TRAPPC9: variants seen among roughly 807,000 people sequenced by gnomAD.
TRAPPC9 encodes IKK2 binding protein.
Under a neutral mutation model 124.0 loss-of-function variants are expected in TRAPPC9, and 83 were observed. That is an observed-to-expected ratio of 0.67 (90% CI 0.56 to 0.80). The LOEUF (loss-of-function observed/expected upper bound fraction) is 0.80. Among genes scored for constraint, TRAPPC9 ranks in the 30% least tolerant of loss-of-function variants. The pLI is 0.00. For synonymous variants in TRAPPC9, 638 were observed against 617.5 expected, an observed-to-expected ratio of 1.03 and a Z score of -0.49; for missense variants, 1,302 against 1,508.3, an observed-to-expected ratio of 0.86 and a Z score of 2.27.
At chr8:139,819,295 A>G (rs1779469175) in intron 21 of TRAPPC9, among the ~76,000 whole-genome samples, 1 of 152,184 alleles carries the variant, frequency 6.6e-6, no homozygotes, top group Non-Finnish European at 1.5e-5. Flanking sequence ...CAAGGCTCCC[A>G]CTGATACTAC....
At chr8:139,734,679 G>A (rs1358812560) in intron 21 of TRAPPC9, among the ~76,000 whole-genome samples, 14 of 152,234 alleles carry the variant, frequency 9.2e-5, no homozygotes, top group Non-Finnish European at 4.4e-5. Flanking sequence ...GCTGGCCCTT[G>A]CAGCCAGTGT....
chr8:140,419,448 A>AAAAAAAC (rs1554683879), intron 5 of TRAPPC9, among the ~76,000 whole-genome samples: 17 of 94,802 alleles, frequency 1.8e-4, no homozygotes, highest in East Asian at 3.1e-4. Flanking sequence ...AAAAAAAAAA[A>AAAAAAAC]AAAACAAAAC....
intron 19 of TRAPPC9, among the ~76,000 whole-genome samples, chr8:139,976,052 C>T (rs915424240): frequency 1.3e-5 from 2 of 151,550 alleles, no homozygotes; most frequent in African/African-American, 2.4e-5. Context: ...CCACCTCGCC[C>T]GGCTAATTTT....
intron 17 of TRAPPC9, among the ~76,000 whole-genome samples, chr8:140,208,099 G>A (rs916421481): frequency 2.6e-5 from 4 of 151,066 alleles, no homozygotes; most frequent in Non-Finnish European, 4.4e-5. Flanking sequence ...GCAGTGTGCC[G>A]AGATCGCACC....
chr8:140,426,555 C>T, intron 5 of TRAPPC9, 60 bp downstream of exon 5: 1 of 1,502,720 alleles, frequency 6.7e-7, no homozygotes, highest in Non-Finnish European at 9.2e-7. Flanking sequence ...TCATTCACAT[C>T]ACCATGAAAC....
At chr8:140,264,836 G>A (rs72688877) in intron 15 of TRAPPC9, among the ~76,000 whole-genome samples, 28,088 of 151,984 alleles carry the variant, frequency 0.18, 2,659 homozygotes, top group Admixed American at 0.22. Flanking sequence ...CACCCACCCT[G>A]TGCTAAGCAC....
At chr8:140,035,424 T>C (rs1840813612) in intron 17 of TRAPPC9, among the ~76,000 whole-genome samples, 1 of 152,222 alleles carries the variant, frequency 6.6e-6, no homozygotes, top group South Asian at 2.1e-4. Context: ...AGGAAATTGA[T>C]GGGGACCCCC....
chr8:140,300,072 A>G (rs2065921453), intron 11 of TRAPPC9, among the ~76,000 whole-genome samples: 1 of 152,200 alleles, frequency 6.6e-6, no homozygotes, highest in Non-Finnish European at 1.5e-5. Flanking sequence ...AACTTTCACA[A>G]AATTACCTTA....
intron 17 of TRAPPC9, among the ~76,000 whole-genome samples, chr8:140,115,172 A>C (rs1010852372): frequency 6.6e-6 from 1 of 152,168 alleles, no homozygotes; most frequent in African/African-American, 2.4e-5. Context: ...CAGTATTTGC[A>C]TGTCTACTTA....
intron 18 of TRAPPC9, among the ~76,000 whole-genome samples, chr8:140,016,351 G>T (rs1839462040): frequency 1.3e-5 from 2 of 152,214 alleles, no homozygotes; most frequent in South Asian, 4.2e-4. Context: ...TTGTACTGAG[G>T]ACTTTGCTAG....
At chr8:139,813,925 T>A (rs990596871) in intron 21 of TRAPPC9, among the ~76,000 whole-genome samples, 1 of 151,976 alleles carries the variant, frequency 6.6e-6, no homozygotes, top group African/African-American at 2.4e-5. Flanking sequence ...CAGACAGGAA[T>A]GTGGCTCACA....
rs550035152 is a variant in TRAPPC9 at position 139,963,919 on chromosome 8, T to C, written c.2810+24807A>G. On this transcript the variant is annotated intron_variant, in intron 19 of 22. Coordinates refer to ENST00000438773, the MANE Select transcript of TRAPPC9 (RefSeq NM_001160372.4). ...TATATGTAGAATTGACTTATGCAACTATAAAAAAATTATGTTTGTTTTTAG... is the reference window on the plus strand; with the variant it reads ...TATATGTAGAATTGACTTATGCAACCATAAAAAAATTATGTTTGTTTTTAG... Among the ~76,000 whole-genome samples, 3 of 152,264 alleles carry C rather than the reference T, an allele frequency of 2.0e-5. No homozygotes were observed. The East Asian group carries it at 5.8e-4, about 29-fold the overall frequency.
At chr8:139,939,191 C>A (rs1159727165) in intron 19 of TRAPPC9, among the ~76,000 whole-genome samples, 1 of 152,192 alleles carries the variant, frequency 6.6e-6, no homozygotes, top group Admixed American at 6.5e-5. Context: ...GGGACATTTG[C>A]CATGGGAGCC....
At chr8:140,125,389 G>T (rs1190974048) in intron 17 of TRAPPC9, among the ~76,000 whole-genome samples, 1 of 152,144 alleles carries the variant, frequency 6.6e-6, no homozygotes. Context: ...CAGAGCAGGG[G>T]CACGCAGACC....
chr8:140,344,676 A>C (rs1019709519), intron 9 of TRAPPC9, among the ~76,000 whole-genome samples: 1 of 152,268 alleles, frequency 6.6e-6, no homozygotes, highest in Non-Finnish European at 1.5e-5. Context: ...AAGAGCCAGA[A>C]ATCAAGTTTG....
chr8:140,359,612 G>A lies in TRAPPC9; in HGVS notation c.1495+438C>T, dbSNP rs142533771. On this transcript the variant is annotated intron_variant, in intron 9 of 22. Transcript: ENST00000438773. ...GGGGCCCTGGGTTCTGTTCCTGCCC[G>A]TCTCTGATCTGGGTGTTGATTATAG... Among the ~76,000 whole-genome samples, 1,139 of 152,286 alleles carry A rather than the reference G, an allele frequency of 7.5e-3. 6 individuals are homozygous for A. The highest frequency in any genetic ancestry group is 0.013 in the Non-Finnish European group (856 of 68,020).
intron 19 of TRAPPC9, among the ~76,000 whole-genome samples, chr8:139,977,534 T>C (rs68145958): frequency 0.89 from 132,677 of 149,606 alleles, 59,007 homozygotes; most frequent in East Asian, 0.99. Context: ...AGGAGAATGG[T>C]GTGAACCTGG....
In TRAPPC9 at chr8:140,450,813, A is replaced by G; in HGVS notation, c.561T>C (p.Phe187=). The change falls in exon 2 of 23, where the codon TTT becomes TTC. Residue 187 remains phenylalanine (F), a synonymous_variant. Coordinates refer to ENST00000438773, the MANE Select transcript of TRAPPC9 (RefSeq NM_001160372.4). ...LLCVPFEKKD[F]VGLDTDSRHY... ...ACCTGCTGTCTGTGTCCAGTCCTAC[A>G]AAGTCCTTTTTCTCAAACGGGACAC... is the stretch of plus-strand genomic sequence containing the variant. 1 of 1,611,320 alleles carries G rather than the reference A, an allele frequency of 6.2e-7. No homozygotes were observed. Among genetic ancestry groups the G allele is most frequent in the Non-Finnish European group, 8.5e-7 (1 of 1,178,738 alleles).
At chr8:140,318,446 T>C (rs963259064) in intron 9 of TRAPPC9, among the ~76,000 whole-genome samples, 2 of 152,212 alleles carry the variant, frequency 1.3e-5, no homozygotes, top group African/African-American at 4.8e-5. Context: ...ATATTCACCA[T>C]GCTGTGCAAC....
Sources: gnomAD v4.1 joint callset for allele counts (sites outside exome capture counted in the v4.1 genomes callset) on GRCh38, gnomAD v4.1.1 for gene constraint, MANE v1.5 for transcripts, NCBI Gene and HGNC (gene_info 2026-07-23, HGNC 2026-07-21) for gene names.